CDH4: variants seen among roughly 807,000 people sequenced by gnomAD.
CDH4 encodes cadherin 4, also known as cadherin-4.
A neutral mutation model predicts 86.0 loss-of-function variants in CDH4; 33 were observed. The observed-to-expected ratio is 0.38, with a 90% confidence interval of 0.29 to 0.51. The LOEUF is 0.51. CDH4 is among the 20% of genes least tolerant of loss of function. CDH4 has a pLI of 0.86. For missense variants in CDH4, 1,114 were observed against 1,307.4 expected, an observed-to-expected ratio of 0.85 and a Z score of 2.28; for synonymous variants, 555 against 549.4, an observed-to-expected ratio of 1.01 and a Z score of -0.14.
At position 61,776,427 on chromosome 20, in the gene CDH4, A is replaced by G. The variant is rs190412693; in HGVS notation, c.576+3245A>G. Among the ~76,000 whole-genome samples, 377 of 152,346 alleles carry G rather than the reference A, an allele frequency of 2.5e-3. 1 individual carries two copies. Among genetic ancestry groups the G allele is most frequent in the African/African-American group, 8.7e-3 (360 of 41,584 alleles). On this transcript the variant is annotated intron_variant, in intron 4 of 15. Transcript: ENST00000614565. The stretch of plus-strand genomic sequence containing the variant: ...GAAAAGCTGCAAATTCCGTGCTCCC[A>G]GGAAACCACCCCCAGCATCTCCGAC...
chr20:61,314,819 G>A (rs944674421), intron 2 of CDH4, among the ~76,000 whole-genome samples: 8 of 152,158 alleles, frequency 5.3e-5, no homozygotes, highest in African/African-American at 1.2e-4. Flanking sequence ...GACAGTAGCC[G>A]TCCTAACAAG....
At chr20:61,265,049 A>G (rs1180496172) in intron 2 of CDH4, among the ~76,000 whole-genome samples, 1 of 150,208 alleles carries the variant, frequency 6.7e-6, no homozygotes, top group Non-Finnish European at 1.5e-5. Flanking sequence ...AGTCCTACAC[A>G]TACCCCAGTG....
intron 2 of CDH4, among the ~76,000 whole-genome samples, chr20:61,550,486 T>G (rs535888513): frequency 6.6e-6 from 1 of 152,288 alleles, no homozygotes; most frequent in African/African-American, 2.4e-5. Context: ...AGGAAATCTC[T>G]TCCCTCTGCC....
intron 4 of CDH4, among the ~76,000 whole-genome samples, chr20:61,838,721 G>A (rs746511733): frequency 2.0e-5 from 3 of 151,708 alleles, no homozygotes; most frequent in Non-Finnish European, 2.9e-5. Flanking sequence ...CTACTTGGGA[G>A]GTTGAGGCAG....
chr20:61,289,347 C>T (rs1011883255), intron 2 of CDH4, among the ~76,000 whole-genome samples: 3 of 152,218 alleles, frequency 2.0e-5, no homozygotes, highest in Non-Finnish European at 4.4e-5. Context: ...CAGGATCTGA[C>T]CCAGGGTCAT....
chr20:61,354,088 G>A lies in CDH4; in HGVS notation c.169+99151G>A, dbSNP rs372973856. ...GTGATTTTGCCCTCAAGGGACATTC[G>A]AGAACGTCTAGGGATGTTGGGTGGT... On this transcript the variant is annotated intron_variant, in intron 2 of 15. Coordinates refer to ENST00000614565, the MANE Select transcript of CDH4 (RefSeq NM_001794.5). Among the ~76,000 whole-genome samples the A allele has an allele frequency of 1.2e-4, 18 of 152,116 alleles. No individual in the cohort carries two copies. The South Asian group carries it at 1.9e-3, about 16-fold the overall frequency.
intron 2 of CDH4, among the ~76,000 whole-genome samples, chr20:61,677,881 T>TGATA (rs59211100): frequency 0.61 from 92,660 of 151,232 alleles, 28,691 homozygotes; most frequent in African/African-American, 0.69. Flanking sequence ...GATGGATAGA[T>TGATA]GATGGATGAT....
chr20:61,572,438 G>A (rs1023187849), intron 2 of CDH4, among the ~76,000 whole-genome samples: 4 of 152,200 alleles, frequency 2.6e-5, no homozygotes, highest in Non-Finnish European at 4.4e-5. Context: ...GGGCTGGCCT[G>A]GGGTGCAGTC....
intron 2 of CDH4, among the ~76,000 whole-genome samples, chr20:61,558,528 C>T (rs1207916431): frequency 2.0e-5 from 3 of 152,352 alleles, no homozygotes; most frequent in South Asian, 2.1e-4. Flanking sequence ...CACTGGCCTG[C>T]GGCCTCTGGA....
chr20:61,414,630 G>A (rs1169473263), intron 2 of CDH4, among the ~76,000 whole-genome samples: 1 of 152,214 alleles, frequency 6.6e-6, no homozygotes, highest in Non-Finnish European at 1.5e-5. Context: ...GCCGTGTGAT[G>A]GGGTGGTGGA....
chr20:61,284,699 T>TA (rs2084283590), intron 2 of CDH4, among the ~76,000 whole-genome samples: 1 of 152,192 alleles, frequency 6.6e-6, no homozygotes, highest in African/African-American at 2.4e-5. Context: ...GTTATATTGA[T>TA]AAATAGGCAA....
chr20:61,764,649 G>A (rs1231036788), intron 3 of CDH4, among the ~76,000 whole-genome samples: 2 of 152,206 alleles, frequency 1.3e-5, no homozygotes, highest in East Asian at 3.9e-4. Flanking sequence ...TATGCATGGG[G>A]CTTTGTCGTG....
chr20:61,737,433 A>G (rs918990437), intron 2 of CDH4, among the ~76,000 whole-genome samples: 1 of 152,040 alleles, frequency 6.6e-6, no homozygotes, highest in Non-Finnish European at 1.5e-5. Context: ...GCTGGCCGCA[A>G]ACACCCTGCA....
chr20:61,885,923 G>C (rs942387334), intron 7 of CDH4, among the ~76,000 whole-genome samples: 1 of 152,212 alleles, frequency 6.6e-6, no homozygotes, highest in African/African-American at 2.4e-5. Flanking sequence ...TGTGGTCCAG[G>C]AGGAAGCAGT....
At chr20:61,304,099 G>A (rs1204650665) in intron 2 of CDH4, among the ~76,000 whole-genome samples, 1 of 152,136 alleles carries the variant, frequency 6.6e-6, no homozygotes, top group African/African-American at 2.4e-5. Context: ...CTGGGGCCTG[G>A]GAAGGAAAAG....
intron 2 of CDH4, among the ~76,000 whole-genome samples, chr20:61,353,069 C>G (rs997807674): frequency 3.9e-5 from 6 of 152,164 alleles, no homozygotes; most frequent in Admixed American, 3.9e-4. Context: ...GTTTCTGACC[C>G]GCCACAGGGG....
chr20:61,521,124 CCT>C (rs775894542), intron 2 of CDH4, among the ~76,000 whole-genome samples: 5 of 152,178 alleles, frequency 3.3e-5, no homozygotes, highest in Non-Finnish European at 5.9e-5. Flanking sequence ...CTTCTGCTTC[CCT>C]CTTTGCTTAC....
At chr20:61,924,023 G>A (rs962560730) in intron 10 of CDH4, among the ~76,000 whole-genome samples, 84 of 152,326 alleles carry the variant, frequency 5.5e-4, no homozygotes, top group African/African-American at 1.8e-3. Flanking sequence ...GCTCCTCAGC[G>A]TCCTTGTCCG....
rs1393805597 is a variant in CDH4 at position 61,434,669 on chromosome 20, C to G, written c.169+179732C>G. On this transcript the variant is annotated intron_variant, in intron 2 of 15. Transcript: ENST00000614565. Reference sequence around the variant, plus strand: ...GCTTCATAAACACTTAAGTGGCTCACGAGATGCTTCACTTCCAGGCCTCGC... The same window carrying G: ...GCTTCATAAACACTTAAGTGGCTCAGGAGATGCTTCACTTCCAGGCCTCGC... The G allele has an allele frequency of 2.0e-5, 3 of 152,262 alleles. 1 individual carries two copies. Among genetic ancestry groups the G allele is most frequent in the Middle Eastern group, 6.8e-3 (2 of 294 alleles). 9.4% of individuals were successfully genotyped at this position (152,262 alleles called of 1,614,324 possible). A position where few individuals can be genotyped will look rare whatever the true frequency, so the allele number is the denominator to read the frequency against.
Sources: gnomAD v4.1 joint callset for allele counts (sites outside exome capture counted in the v4.1 genomes callset) on GRCh38, gnomAD v4.1.1 for gene constraint, MANE v1.5 for transcripts, NCBI Gene and HGNC (gene_info 2026-07-23, HGNC 2026-07-21) for gene names.